ZNF717: variants seen among roughly 807,000 people sequenced by gnomAD.
ZNF717 encodes krueppel-like factor X17.
In ZNF717, 9 loss-of-function variants were observed where a neutral mutation model predicts 13.8. The observed-to-expected ratio is 0.65, with a 90% confidence interval of 0.39 to 1.14. The LOEUF (loss-of-function observed/expected upper bound fraction) is 1.14. Among genes scored for constraint, ZNF717 ranks in the 50% most tolerant of loss-of-function variants. ZNF717 has a pLI of 0.01. For synonymous variants in ZNF717, 327 were observed against 364.1 expected, an observed-to-expected ratio of 0.90 and a Z score of 1.16; for missense variants, 1,040 against 1,080.7, an observed-to-expected ratio of 0.96 and a Z score of 0.53.
intron 6 of ZNF717, among the ~76,000 whole-genome samples, chr3:75,704,181 C>T (rs564188171): frequency 1.3e-5 from 2 of 152,414 alleles, no homozygotes; most frequent in East Asian, 3.9e-4. Flanking sequence ...ACAATGCACT[C>T]CTGCTCTTGT....
chr3:75,723,946 G>T (rs1254690898), intron 4 of ZNF717, among the ~76,000 whole-genome samples: 1 of 152,204 alleles, frequency 6.6e-6, no homozygotes, highest in South Asian at 2.1e-4. Flanking sequence ...CAGCGGTCAC[G>T]CTCCTGGTCT....
intron 2 of ZNF717, among the ~76,000 whole-genome samples, chr3:75,777,893 G>C (rs1342226138): frequency 6.7e-6 from 1 of 149,336 alleles, no homozygotes; most frequent in Non-Finnish European, 1.5e-5. Context: ...GGAGTGACGT[G>C]TTAAAACGGA....
At position 75,767,531 on chromosome 3, in the gene ZNF717, G is replaced by A. The variant is rs141847365; in HGVS notation, c.57+15775C>T. Reference sequence around the variant, plus strand: ...GGCTGAGCTGTAACTGGGCCTCAAGGAGACCATTCATGCAAGCTGGAAGGG... The same window carrying A: ...GGCTGAGCTGTAACTGGGCCTCAAGAAGACCATTCATGCAAGCTGGAAGGG... On this transcript the variant is annotated intron_variant, in intron 2 of 4. Transcript: ENST00000652011. 7.3e-3 allele frequency among the ~76,000 whole-genome samples: 1,108 copies of A among 152,332 alleles called. 3 individuals are homozygous for A. Among genetic ancestry groups the A allele is most frequent in the African/African-American group, 0.024 (1,000 of 41,542 alleles).
At chr3:75,767,688 T>C (rs1320216287) in intron 2 of ZNF717, among the ~76,000 whole-genome samples, 1 of 152,164 alleles carries the variant, frequency 6.6e-6, no homozygotes, top group Non-Finnish European at 1.5e-5. Context: ...GAAAGGGCAC[T>C]GCACCATCTC....
At chr3:75,762,462 A>T (rs550936843) in intron 2 of ZNF717, among the ~76,000 whole-genome samples, 138 of 150,186 alleles carry the variant, frequency 9.2e-4, no homozygotes, top group African/African-American at 3.3e-3. Flanking sequence ...AAAAAAAAGA[A>T]TTACATTTAC....
chr3:75,742,215 T>A (rs1409452585), intron 2 of ZNF717, among the ~76,000 whole-genome samples: 3 of 151,696 alleles, frequency 2.0e-5, no homozygotes, highest in Non-Finnish European at 4.4e-5. Context: ...TCCTGGCTAC[T>A]CTGGAAGCTG....
intron 2 of ZNF717, among the ~76,000 whole-genome samples, chr3:75,742,846 T>G (rs1366004044): frequency 2.0e-5 from 3 of 152,258 alleles, no homozygotes; most frequent in Non-Finnish European, 4.4e-5. Flanking sequence ...ATTGGATAAC[T>G]CTCTTATATA....
intron 5 of ZNF717, among the ~76,000 whole-genome samples, chr3:75,714,714 G>T (rs1938012164): frequency 6.6e-6 from 1 of 151,900 alleles, no homozygotes; most frequent in Admixed American, 6.6e-5. Flanking sequence ...CCATTTTGAA[G>T]ATATTTCTAT....
chr3:75,739,882 T>G (rs1271999140), intron 4 of ZNF717, among the ~76,000 whole-genome samples: 1 of 152,222 alleles, frequency 6.6e-6, no homozygotes, highest in East Asian at 1.9e-4. Flanking sequence ...TGAGAATGGT[T>G]AAATGTGTCT....
downstream of ZNF717, among the ~76,000 whole-genome samples, chr3:75,731,382 T>C (rs1045679638): frequency 6.9e-6 from 1 of 144,498 alleles, no homozygotes; most frequent in Admixed American, 6.9e-5. Flanking sequence ...CCTCAAAAAA[T>C]TAAAAAATAA....
chr3:75,735,249 G>A (rs79461084), downstream of ZNF717, among the ~76,000 whole-genome samples: 127 of 152,294 alleles, frequency 8.3e-4, no homozygotes, highest in South Asian at 1.4e-3. Context: ...GAAGGCAGTC[G>A]AAGTAACTGA....
At chr3:75,776,361 G>A (rs377568287) in intron 2 of ZNF717, among the ~76,000 whole-genome samples, 1,219 of 139,894 alleles carry the variant, frequency 8.7e-3, no homozygotes, top group African/African-American at 0.03. Flanking sequence ...GTTACCTGAT[G>A]GGCCATTTAA....
At chr3:75,705,057 C>T (rs1575712818), downstream of ZNF717, among the ~76,000 whole-genome samples, 1 of 149,390 alleles carries the variant, frequency 6.7e-6, no homozygotes, top group East Asian at 2.0e-4. Flanking sequence ...AGATGGAGAA[C>T]ATAATTTTTC....
intron 2 of ZNF717, among the ~76,000 whole-genome samples, chr3:75,745,920 A>C (rs1941126289): frequency 6.6e-6 from 1 of 151,948 alleles, no homozygotes; most frequent in Non-Finnish European, 1.5e-5. Flanking sequence ...CATGTGCACA[A>C]CGTGCAGGTT....
chr3:75,721,431 G>C (rs1202764795), intron 4 of ZNF717, among the ~76,000 whole-genome samples: 1 of 152,078 alleles, frequency 6.6e-6, no homozygotes. Flanking sequence ...ACAGGCGAGC[G>C]CCAGCACGCC....
chr3:75,759,313 T>C (rs949674383), intron 2 of ZNF717, among the ~76,000 whole-genome samples: 20 of 151,376 alleles, frequency 1.3e-4, no homozygotes, highest in Non-Finnish European at 2.7e-4. Flanking sequence ...TCTTGCTCTG[T>C]TGCCCAGGCC....
intron 4 of ZNF717, 122 bp downstream of exon 4, chr3:75,741,154 T>C (rs1940373290): frequency 3.0e-6 from 2 of 666,634 alleles, no homozygotes; most frequent in Non-Finnish European, 5.4e-6. Flanking sequence ...GCACATTTAA[T>C]GCAGACCAAC....
intron 5 of ZNF717, among the ~76,000 whole-genome samples, chr3:75,713,866 C>T (rs1339969797): frequency 4.6e-5 from 7 of 151,932 alleles, no homozygotes; most frequent in Admixed American, 3.9e-4. Context: ...GACAAGGGGG[C>T]AGGGTAAGGA....
At chr3:75,784,355 C>A (rs1459371842) in intron 1 of ZNF717, among the ~76,000 whole-genome samples, 1 of 152,202 alleles carries the variant, frequency 6.6e-6, no homozygotes, top group Non-Finnish European at 1.5e-5. Flanking sequence ...TTAACTGTTA[C>A]ACCTAAGTGA....
Sources: gnomAD v4.1 joint callset for allele counts (sites outside exome capture counted in the v4.1 genomes callset) on GRCh38, gnomAD v4.1.1 for gene constraint, MANE v1.5 for transcripts, NCBI Gene and HGNC (gene_info 2026-07-23, HGNC 2026-07-21) for gene names.